Variants in BTRC observed in about 807,000 individuals in gnomAD.
BTRC encodes F-box/WD repeat-containing protein 1A.
In BTRC, 42 loss-of-function variants were observed where a neutral mutation model predicts 85.5. The ratio of observed to expected loss-of-function variants is 0.49; its 90% CI spans 0.38 to 0.64. The LOEUF (loss-of-function observed/expected upper bound fraction) is 0.64. BTRC is among the 30% of genes least tolerant of loss of function. BTRC has a pLI of 0.00. For synonymous variants in BTRC, 255 were observed against 263.3 expected (o/e 0.97, Z 0.30); for missense variants, 594 against 743.5 (o/e 0.80, Z 2.34).
intron 5 of BTRC, among the ~76,000 whole-genome samples, chr10:101,522,390 A>AT (rs2062126977): frequency 9.2e-6 from 1 of 108,876 alleles, no homozygotes; most frequent in Non-Finnish European, 1.9e-5. Flanking sequence ...AAAAAAAAAA[A>AT]CTCTAGAAAT....
At chr10:101,440,809 A>G (rs919049541) in intron 2 of BTRC, among the ~76,000 whole-genome samples, 1 of 152,178 alleles carries the variant, frequency 6.6e-6, no homozygotes, top group Non-Finnish European at 1.5e-5. Flanking sequence ...AGTCTAGTGA[A>G]ATGCACTGGA....
chr10:101,402,964 G>A (rs1276886068), intron 1 of BTRC, among the ~76,000 whole-genome samples: 4 of 152,112 alleles, frequency 2.6e-5, no homozygotes, highest in East Asian at 1.9e-4. Context: ...GTTTTCTAAT[G>A]TTTATAAATG....
At chr10:101,368,838 G>A (rs1942551410) in intron 1 of BTRC, among the ~76,000 whole-genome samples, 2 of 152,082 alleles carry the variant, frequency 1.3e-5, no homozygotes. Flanking sequence ...GGCTAACGTG[G>A]TGAAACCTCG....
chr10:101,503,824 G>C (rs1266789681), intron 4 of BTRC, among the ~76,000 whole-genome samples: 1 of 152,146 alleles, frequency 6.6e-6, no homozygotes, highest in Non-Finnish European at 1.5e-5. Flanking sequence ...CTTCTCAAAG[G>C]CTTTTTTCAG....
Position 101,543,933 on chromosome 10 carries a change from G to A in BTRC, c.1656+5562G>A, listed in dbSNP as rs183747848. ...ATTTTTTTGTTTGTTTGTTTGAGAC[G>A]GAGTCTTGCTCTGTCACCCAGGCTG... On this transcript the variant is annotated intron_variant, in intron 13 of 14. Transcript: ENST00000370187. Among the ~76,000 whole-genome samples the A allele has an allele frequency of 5.9e-5, 9 of 152,050 alleles. No homozygotes were observed. In the South Asian group the frequency reaches 1.0e-3, roughly 18 times the overall value.
At chr10:101,487,299 A>G (rs1445294180) in intron 4 of BTRC, among the ~76,000 whole-genome samples, 2 of 152,200 alleles carry the variant, frequency 1.3e-5, no homozygotes, top group Non-Finnish European at 2.9e-5. Flanking sequence ...CTTCATTGCT[A>G]TATAATTTGT....
At chr10:101,432,291 C>A (rs2134086540) in intron 2 of BTRC, among the ~76,000 whole-genome samples, 1 of 151,942 alleles carries the variant, frequency 6.6e-6, no homozygotes, top group South Asian at 2.1e-4. Context: ...ACACTTGGCT[C>A]ATTTTTCTAT....
chr10:101,423,190 A>G (rs1944154793), intron 1 of BTRC, among the ~76,000 whole-genome samples: 1 of 152,120 alleles, frequency 6.6e-6, no homozygotes, highest in African/African-American at 2.4e-5. Flanking sequence ...GTGGGATTAT[A>G]CACATGAGCC....
At chr10:101,511,489 G>C (rs2061952863) in intron 4 of BTRC, among the ~76,000 whole-genome samples, 1 of 151,968 alleles carries the variant, frequency 6.6e-6, no homozygotes, top group Non-Finnish European at 1.5e-5. Context: ...AGACTCCCAA[G>C]TAGCTGGAAC....
intron 1 of BTRC, among the ~76,000 whole-genome samples, chr10:101,429,793 T>A (rs1944354142): frequency 6.8e-6 from 1 of 146,794 alleles, no homozygotes; most frequent in Non-Finnish European, 1.5e-5. Flanking sequence ...ACAAGATACA[T>A]AAAACATACG....
intron 4 of BTRC, among the ~76,000 whole-genome samples, chr10:101,499,019 A>G (rs1294142845): frequency 1.3e-5 from 2 of 152,018 alleles, no homozygotes; most frequent in Non-Finnish European, 2.9e-5. Flanking sequence ...AAAAATAATA[A>G]TAATAGCCAC....
At chr10:101,529,895 A>G (rs2062254288) in intron 6 of BTRC, among the ~76,000 whole-genome samples, 1 of 152,200 alleles carries the variant, frequency 6.6e-6, no homozygotes, top group Admixed American at 6.5e-5. Flanking sequence ...GATTACACTC[A>G]GAGGCATTTC....
intron 3 of BTRC, 88 bp from the exon 4 acceptor site, chr10:101,479,280 G>T: frequency 1.0e-6 from 1 of 954,992 alleles, no homozygotes; most frequent in Non-Finnish European, 1.6e-6. Flanking sequence ...TTTGTGTTTT[G>T]ACTTGAGAAA....
chr10:101,428,219 G>A (rs1446385033), intron 1 of BTRC, among the ~76,000 whole-genome samples: 1 of 152,172 alleles, frequency 6.6e-6, no homozygotes, highest in Non-Finnish European at 1.5e-5. Flanking sequence ...AAATATCAAG[G>A]TAGGTAGTTA....
chr10:101,426,142 A>G (rs1224834931), intron 1 of BTRC, among the ~76,000 whole-genome samples: 1 of 152,174 alleles, frequency 6.6e-6, no homozygotes, highest in East Asian at 1.9e-4. Context: ...AAATGCTTCT[A>G]AATGTGAAGA....
chr10:101,387,183 T>G (rs1335063943), intron 1 of BTRC, among the ~76,000 whole-genome samples: 1 of 151,950 alleles, frequency 6.6e-6, no homozygotes, highest in African/African-American at 2.4e-5. Context: ...TGGGCAAATC[T>G]TTTCTATTTT....
intron 1 of BTRC, among the ~76,000 whole-genome samples, chr10:101,403,361 C>T (rs1358810932): frequency 1.3e-5 from 2 of 152,184 alleles, no homozygotes; most frequent in African/African-American, 4.8e-5. Context: ...CTTTAGGACA[C>T]AAGGCAGCCG....
chr10:101,457,995 AT>A (rs763144829), intron 2 of BTRC, among the ~76,000 whole-genome samples: 3 of 152,104 alleles, frequency 2.0e-5, no homozygotes, highest in Non-Finnish European at 4.4e-5. Context: ...TTTATGTATT[AT>A]TTTTTCTGAA....
intron 5 of BTRC, 107 bp downstream of exon 5, chr10:101,521,977 A>G (rs1167949113): frequency 8.6e-6 from 5 of 582,770 alleles, no homozygotes; most frequent in Non-Finnish European, 1.3e-5. Context: ...TGATTTTTAC[A>G]AATTAAGTTC....
Sources: gnomAD v4.1 joint callset for allele counts (sites outside exome capture counted in the v4.1 genomes callset) on GRCh38, gnomAD v4.1.1 for gene constraint, MANE v1.5 for transcripts, NCBI Gene and HGNC (gene_info 2026-07-23, HGNC 2026-07-21) for gene names.